The following OPCML variants were observed in gnomAD, a reference collection of about 807,000 sequenced individuals.
OPCML encodes the protein opioid-binding protein/cell adhesion molecule.
In OPCML, 13 loss-of-function variants were observed where a neutral mutation model predicts 37.8. That is an observed-to-expected ratio of 0.34 (90% confidence interval 0.22 to 0.55). The LOEUF is 0.55. Among genes scored for constraint, OPCML ranks in the 20% least tolerant of loss-of-function variants. The pLI is 0.91. For synonymous variants in OPCML, 176 were observed against 168.8 expected (o/e 1.04, Z -0.33); for missense variants, 341 against 435.6 (o/e 0.78, Z 1.93).
intron 1 of OPCML, chr11:133,004,442 G>A (rs745554763): frequency 3.0e-6 from 3 of 985,482 alleles, no homozygotes; most frequent in Non-Finnish European, 3.6e-6. Flanking sequence ...CAGCAAGGCA[G>A]CATGTGGAGG....
intron 4 of OPCML, among the ~76,000 whole-genome samples, chr11:132,443,362 G>T (rs1178398663): frequency 6.6e-6 from 1 of 152,226 alleles, no homozygotes; most frequent in Non-Finnish European, 1.5e-5. Context: ...GTGGGAGTGG[G>T]CAGAGGGTGG....
At chr11:133,318,090 CTG>C (rs1943247036) in intron 1 of OPCML, among the ~76,000 whole-genome samples, 1 of 152,234 alleles carries the variant, frequency 6.6e-6, no homozygotes, top group Non-Finnish European at 1.5e-5. Flanking sequence ...CAACCTGCCT[CTG>C]TGATGTCCCA....
At chr11:132,508,477 C>A (rs570384474) in intron 4 of OPCML, among the ~76,000 whole-genome samples, 1 of 149,724 alleles carries the variant, frequency 6.7e-6, no homozygotes, top group East Asian at 2.0e-4. Context: ...AAACATTGGA[C>A]AAAATGGAAG....
At chr11:132,951,273 C>T (rs957166193) in intron 1 of OPCML, among the ~76,000 whole-genome samples, 5 of 152,190 alleles carry the variant, frequency 3.3e-5, no homozygotes, top group Admixed American at 6.5e-5. Flanking sequence ...TCACAGGAAT[C>T]GGTTTTCTCA....
At chr11:133,261,861 G>T (rs1941505463) in intron 1 of OPCML, among the ~76,000 whole-genome samples, 1 of 152,126 alleles carries the variant, frequency 6.6e-6, no homozygotes, top group South Asian at 2.1e-4. Flanking sequence ...GCAGCGGGCA[G>T]GAGCAATGGC....
chr11:133,193,570 T>C (rs1938411588), intron 1 of OPCML, among the ~76,000 whole-genome samples: 1 of 152,210 alleles, frequency 6.6e-6, no homozygotes, highest in Admixed American at 6.5e-5. Context: ...GGCACTATTT[T>C]GGTAATTCAA....
intron 2 of OPCML, among the ~76,000 whole-genome samples, chr11:132,895,366 A>G (rs1479596689): frequency 6.6e-6 from 1 of 152,192 alleles, no homozygotes; most frequent in African/African-American, 2.4e-5. Context: ...CAGGTATTCC[A>G]TTTCCTGCCC....
chr11:132,550,345 G>A (rs1346831141), intron 3 of OPCML, among the ~76,000 whole-genome samples: 5 of 152,104 alleles, frequency 3.3e-5, no homozygotes, highest in African/African-American at 1.2e-4. Flanking sequence ...ATAGTTTAGC[G>A]CCATTCCCTC....
intron 7 of OPCML, among the ~76,000 whole-genome samples, chr11:132,427,139 C>G (rs1032234169): frequency 6.6e-6 from 1 of 151,606 alleles, no homozygotes; most frequent in Non-Finnish European, 1.5e-5. Context: ...GTAGGGTGAC[C>G]ACACTAAAAA....
At chr11:133,155,949 T>C (rs1159689917) in intron 1 of OPCML, among the ~76,000 whole-genome samples, 1 of 152,164 alleles carries the variant, frequency 6.6e-6, no homozygotes. Context: ...CACCCTCTTC[T>C]CTAGTCCTGT....
In OPCML at chr11:133,377,612, G is replaced by GAAACAAAAAAAAAA. The variant is rs1944837238; in HGVS notation, c.61+154651_61+154652insTTTTTTTTTTGTTT. On this transcript the variant is annotated intron_variant, in intron 1 of 7. Coordinates refer to ENST00000524381, the MANE Select transcript of OPCML (RefSeq NM_001012393.5). ...GCTCTCTCTGACGTGCCAGTATTCA[G>GAAACAAAAAAAAAA]AAAAAAAAAAAAAAAGAGCACCAAG... Among the ~76,000 whole-genome samples the GAAACAAAAAAAAAA allele has an allele frequency of 3.8e-5, 3 of 79,092 alleles. No individual in the cohort carries two copies. The East Asian group carries it at 1.4e-3, about 36-fold the overall frequency. 51.9% of individuals were successfully genotyped at this position (79,092 alleles called of 152,430 possible).
Position 132,564,464 on chromosome 11 carries a change from C to T in OPCML, c.380-35278G>A, listed in dbSNP as rs538034011. On this transcript the variant is annotated intron_variant, in intron 3 of 7. Transcript: ENST00000524381. ...AACACATCTCTTATTTCTTCTGAATCTCTCCATCATTTTTCTTATGCAAGA... is the reference window on the plus strand; with the variant it reads ...AACACATCTCTTATTTCTTCTGAATTTCTCCATCATTTTTCTTATGCAAGA... Among the ~76,000 whole-genome samples, 15 of 152,326 alleles carry T rather than the reference C, an allele frequency of 9.8e-5. No homozygotes were observed. The South Asian group carries it at 3.1e-3, about 32-fold the overall frequency.
intron 4 of OPCML, among the ~76,000 whole-genome samples, chr11:132,466,274 AG>A (rs997865959): frequency 1.3e-5 from 2 of 151,284 alleles, no homozygotes; most frequent in African/African-American, 4.9e-5. Context: ...TCACGAGGTC[AG>A]GAGATCGAGA....
intron 1 of OPCML, among the ~76,000 whole-genome samples, chr11:133,518,051 CA>C (rs746343943): frequency 2.0e-5 from 3 of 152,158 alleles, no homozygotes; most frequent in Non-Finnish European, 4.4e-5. Context: ...AGACAGCCTC[CA>C]AAAGACCCCT....
intron 1 of OPCML, among the ~76,000 whole-genome samples, chr11:133,332,735 C>A (rs928132302): frequency 6.6e-6 from 1 of 151,956 alleles, no homozygotes; most frequent in African/African-American, 2.4e-5. Flanking sequence ...GTTTTTAGTT[C>A]TGTTTATCTG....
intron 1 of OPCML, among the ~76,000 whole-genome samples, chr11:133,148,471 T>C (rs1949928888): frequency 6.6e-6 from 1 of 152,190 alleles, no homozygotes; most frequent in Non-Finnish European, 1.5e-5. Flanking sequence ...GAGGGAAGTA[T>C]CGCTGGCTGT....
intron 2 of OPCML, among the ~76,000 whole-genome samples, chr11:132,708,573 C>G (rs931031641): frequency 6.6e-6 from 1 of 152,178 alleles, no homozygotes. Context: ...AAGTAGGTAA[C>G]ACAGGTCAAA....
intron 4 of OPCML, among the ~76,000 whole-genome samples, chr11:132,480,757 T>G (rs2096176929): frequency 6.6e-6 from 1 of 152,106 alleles, no homozygotes; most frequent in African/African-American, 2.4e-5. Context: ...GAATTTCATA[T>G]CCAGCCAAAC....
chr11:132,455,023 A>G (rs760690513), intron 4 of OPCML, among the ~76,000 whole-genome samples: 15 of 152,324 alleles, frequency 9.8e-5, no homozygotes, highest in Non-Finnish European at 1.9e-4. Context: ...TTATAATAGA[A>G]TGTATCACAT....
Sources: gnomAD v4.1 joint callset for allele counts (sites outside exome capture counted in the v4.1 genomes callset) on GRCh38, gnomAD v4.1.1 for gene constraint, MANE v1.5 for transcripts, NCBI Gene and HGNC (gene_info 2026-07-23, HGNC 2026-07-21) for gene names.